RYR1: variants seen among roughly 807,000 people sequenced by gnomAD.
RYR1 encodes central core disease of muscle.
RYR1 carries 342 observed loss-of-function variants against 583.5 expected under a neutral mutation model. The observed-to-expected ratio is 0.59, with a 90% confidence interval of 0.54 to 0.64. RYR1 has a LOEUF of 0.64. RYR1 is among the 30% of genes least tolerant of loss of function. The pLI is 0.00. For missense variants in RYR1, 6,032 were observed against 6,917.2 expected (o/e 0.87, Z 4.54); for synonymous variants, 2,791 against 2,822.5 (o/e 0.99, Z 0.35).
intron 93 of RYR1, among the ~76,000 whole-genome samples, chr19:38,568,557 G>A (rs999376873): frequency 5.7e-5 from 7 of 122,040 alleles, no homozygotes. Flanking sequence ...CCAACATGGT[G>A]AAACCCCATC....
chr19:38,488,097 G>A (rs1197451003), intron 34 of RYR1, among the ~76,000 whole-genome samples: 2 of 152,092 alleles, frequency 1.3e-5, no homozygotes, highest in African/African-American at 4.8e-5. Context: ...GATTACAGGT[G>A]TGAGCCACCA....
rs781673519 is a variant in RYR1 at position 38,490,198 on chromosome 19, C to G, written c.5937C>G (p.Leu1979=). The part of the protein sequence containing the change: ...LQANQRSRYG[L]LIKAFSMTAA... ...CCAACCAGCGGAGCCGCTATGGCCTCCTCATAAAAGCCTTCAGCATGACCG... is the reference window on the plus strand; with the variant it reads ...CCAACCAGCGGAGCCGCTATGGCCTGCTCATAAAAGCCTTCAGCATGACCG... Residue 1979 remains leucine (L), a synonymous_variant, in exon 36 of 106, where the codon CTC becomes CTG. Transcript: ENST00000359596. 1 of 1,614,104 alleles carries G rather than the reference C, an allele frequency of 6.2e-7. No individual in the cohort carries two copies. The highest frequency in any genetic ancestry group is 8.5e-7 in the Non-Finnish European group (1 of 1,180,048).
At position 38,499,006 on chromosome 19, in the gene RYR1, G is replaced by C. The variant is rs996558136; in HGVS notation, c.6892-102G>C. On this transcript the variant is annotated intron_variant, in intron 42 of 105. Transcript: ENST00000359596. This position sits in a 1 kb window ranked among gnomAD's most constrained non-coding sequence, Gnocchi z 7.3. Reference sequence around the variant, plus strand: ...TGGGCCGAGGGATCAGAGCTGAACCGGACTGAGGAGCCGCAGGGCAGGGCA... The same window carrying C: ...TGGGCCGAGGGATCAGAGCTGAACCCGACTGAGGAGCCGCAGGGCAGGGCA... 3.3e-6 allele frequency: 5 copies of C among 1,499,412 alleles called. No homozygotes were observed. In the East Asian group the frequency reaches 9.3e-5, roughly 28 times the overall value. The allele number at this position is 1,499,412 out of a possible 1,614,324, so 92.9% of individuals were successfully genotyped here.
chr19:38,456,146 A>AT lies in RYR1; in HGVS notation c.1791+405dup, dbSNP rs36068366. On this transcript the variant is annotated intron_variant, in intron 16 of 105. Transcript: ENST00000359596. ...ACCACCACGCCCAGCTAATTTTTGT[A>AT]TTTTTTTTTTAGTAGAGACAGGGTT... Among the ~76,000 whole-genome samples the AT allele has an allele frequency of 3.1e-4, 45 of 145,128 alleles. No homozygotes were observed. In the South Asian group the frequency reaches 3.6e-3, roughly 11 times the overall value.
chr19:38,452,904 C>G lies in RYR1; in HGVS notation c.1330C>G (p.Leu444Val). 2.5e-6 allele frequency: 4 copies of G among 1,613,620 alleles called. No homozygotes were observed. Among genetic ancestry groups the G allele is most frequent in the Non-Finnish European group, 3.4e-6 (4 of 1,179,752 alleles). The part of the protein sequence containing the change: ...ALPIEGVILS[L>V]QDLIIYFEPP... ...GCCCATCGAGGGCGTTATCCTGAGC[C>G]TGCAGGACCTCATCATCTACTTCGA... Residue 444 changes from leucine to valine, a missense_variant, in exon 13 of 106, where the codon CTG (leucine) becomes GTG (valine). Coordinates refer to ENST00000359596, the MANE Select transcript of RYR1 (RefSeq NM_000540.3).
At chr19:38,549,642 A>G (rs958455444) in intron 89 of RYR1, among the ~76,000 whole-genome samples, 1 of 141,964 alleles carries the variant, frequency 7.0e-6, no homozygotes, top group African/African-American at 2.7e-5. Context: ...TTTCACCCAC[A>G]TTGCCCAAAT....
chr19:38,437,047 T>C (rs1972458288), intron 1 of RYR1, among the ~76,000 whole-genome samples: 1 of 151,808 alleles, frequency 6.6e-6, no homozygotes, highest in South Asian at 2.1e-4. Flanking sequence ...CTTCATTTTT[T>C]TTTTCTTTTT....
rs1601002917 is a variant in RYR1, at chr19:38,548,131, A to C, written c.12095-102A>C. On this transcript the variant is annotated intron_variant, in intron 88 of 105. Transcript: ENST00000359596. ...GGGGAGGCTGTGGCTGGCCAGGGAC[A>C]CTCCAGCAGCGTGGTGGCTCCTGGG... The C allele has an allele frequency of 1.3e-5, 17 of 1,290,920 alleles. No homozygotes were observed. The East Asian group carries it at 4.2e-4, about 32-fold the overall frequency. The allele number at this position is 1,290,920 out of a possible 1,614,324, so 80.0% of individuals were successfully genotyped here. A position where few individuals can be genotyped will look rare whatever the true frequency, so the allele number is the denominator to read the frequency against.
Position 38,444,981 on chromosome 19 carries a change from G to A in RYR1, c.631+304G>A, listed in dbSNP as rs1247682001. On this transcript the variant is annotated intron_variant, in intron 7 of 105. Coordinates refer to ENST00000359596, the MANE Select transcript of RYR1 (RefSeq NM_000540.3). The surrounding 1 kb of genome is among the most constrained non-coding windows in gnomAD (Gnocchi z 5.1). ...AGTTTAAAGCTTGTTTAAAGGCCGG[G>A]CATGGTGGCTCACGCCTGTAATCTC... Among the ~76,000 whole-genome samples the A allele has an allele frequency of 6.6e-6, 1 of 152,050 alleles. No homozygotes were observed. The highest frequency in any genetic ancestry group is 1.5e-5 in the Non-Finnish European group (1 of 68,008).
intron 21 of RYR1, 65 bp from the exon 22 acceptor site, chr19:38,463,682 G>T: frequency 6.5e-7 from 1 of 1,532,082 alleles, no homozygotes; most frequent in Non-Finnish European, 9.0e-7. Context: ...AGGGGTCATA[G>T]TCTGGGCATG....
chr19:38,443,861 G>T (rs912848925), intron 5 of RYR1, 65 bp downstream of exon 5: 19 of 1,482,458 alleles, frequency 1.3e-5, no homozygotes, highest in Admixed American at 1.7e-5. Context: ...GGGGTAGAAG[G>T]TCTGCAGAAC....
chr19:38,564,611 G>A (rs375507910), intron 90 of RYR1, among the ~76,000 whole-genome samples: 4 of 151,536 alleles, frequency 2.6e-5, no homozygotes, highest in Admixed American at 2.6e-4. Context: ...TCCGCCTCCC[G>A]GGTTCAAGTT....
At chr19:38,519,193 G>A (rs1300402570) in intron 66 of RYR1, 21 bp from the exon 67 acceptor site, 1 of 1,614,034 alleles carries the variant, frequency 6.2e-7, no homozygotes, top group Non-Finnish European at 8.5e-7. Flanking sequence ...GGTGGCATCA[G>A]AGCCCATCGC....
intron 95 of RYR1, 84 bp from the exon 96 acceptor site, chr19:38,573,093 C>A (rs1973796288): frequency 6.3e-7 from 1 of 1,597,462 alleles, no homozygotes; most frequent in South Asian, 1.1e-5. Flanking sequence ...CACACAGACC[C>A]CAGCAAGATG....
chr19:38,443,476 C>T (rs1972790070), intron 3 of RYR1, 82 bp from the exon 4 acceptor site: 8 of 1,275,126 alleles, frequency 6.3e-6, no homozygotes, highest in Admixed American at 5.8e-5. Flanking sequence ...AGCATCTTGT[C>T]ACCTGTGACT....
At chr19:38,492,715 A>G in intron 38 of RYR1, 79 bp downstream of exon 38, 1 of 1,456,424 alleles carries the variant, frequency 6.9e-7, no homozygotes, top group South Asian at 1.2e-5. Context: ...GGTCCCAAAG[A>G]GGGCATGAGG....
At chr19:38,477,898 T>A in intron 30 of RYR1, 28 bp downstream of exon 30, 1 of 873,692 alleles carries the variant, frequency 1.1e-6, no homozygotes, top group African/African-American at 1.9e-5. Context: ...AGGTGGGAGG[T>A]GCAGGGTGGG....
chr19:38,506,672 C>A, intron 56 of RYR1, 126 bp downstream of exon 56: 2 of 1,477,408 alleles, frequency 1.4e-6, no homozygotes, highest in Non-Finnish European at 1.9e-6. Context: ...GCGTTTACCA[C>A]CATGGGGTAA....
intron 87 of RYR1, 55 bp from the exon 88 acceptor site, chr19:38,546,389 AC>A: frequency 6.7e-7 from 1 of 1,491,550 alleles, no homozygotes; most frequent in Non-Finnish European, 9.4e-7. Context: ...GGGAGAAGCA[AC>A]AGAGGTGGGG....
Sources: gnomAD v4.1 joint callset for allele counts (sites outside exome capture counted in the v4.1 genomes callset) on GRCh38, gnomAD v4.1.1 for gene constraint, Gnocchi (gnomAD v3.1) non-coding constraint, MANE v1.5 for transcripts, NCBI Gene and HGNC (gene_info 2026-07-23, HGNC 2026-07-21) for gene names.